Variants in MTSS1 observed in about 807,000 individuals in gnomAD.
The protein encoded by MTSS1 is protein MTSS 1.
MTSS1 carries 18 observed loss-of-function variants against 79.0 expected under a neutral mutation model. That is an observed-to-expected ratio of 0.23 (90% CI 0.16 to 0.34). MTSS1 has a LOEUF of 0.34. Among genes scored for constraint, MTSS1 ranks in the 10% least tolerant of loss-of-function variants. The pLI, the probability that MTSS1 is intolerant of heterozygous loss-of-function variation, is 1.00. For synonymous variants in MTSS1, 341 were observed against 368.6 expected, an observed-to-expected ratio of 0.93 and a Z score of 0.86; for missense variants, 815 against 986.2, an observed-to-expected ratio of 0.83 and a Z score of 2.33.
At chr8:124,643,156 T>C (rs898583889) in intron 3 of MTSS1, among the ~76,000 whole-genome samples, 6 of 152,156 alleles carry the variant, frequency 3.9e-5, no homozygotes, top group African/African-American at 9.7e-5. Context: ...AAGAAGCATT[T>C]GGCAATACAA....
chr8:124,664,871 TCA>T (rs1213753365), intron 3 of MTSS1, among the ~76,000 whole-genome samples: 1 of 152,222 alleles, frequency 6.6e-6, no homozygotes, highest in Non-Finnish European at 1.5e-5. Context: ...CTATTCTATT[TCA>T]TTGTTTCTAA....
At chr8:124,716,205 C>T (rs750304924) in intron 1 of MTSS1, among the ~76,000 whole-genome samples, 16 of 152,168 alleles carry the variant, frequency 1.1e-4, no homozygotes, top group Admixed American at 2.6e-4. Flanking sequence ...CTGGACAGTG[C>T]GGTTCCCAGA....
At chr8:124,565,080 C>T (rs892252786) in intron 9 of MTSS1, among the ~76,000 whole-genome samples, 11 of 152,208 alleles carry the variant, frequency 7.2e-5, no homozygotes, top group Non-Finnish European at 1.2e-4. Context: ...CAGAAAATTG[C>T]TAGACAACAG....
chr8:124,569,790 A>G (rs550580050), intron 6 of MTSS1, among the ~76,000 whole-genome samples: 2 of 152,348 alleles, frequency 1.3e-5, no homozygotes, highest in African/African-American at 4.8e-5. Flanking sequence ...CAATCTGCTC[A>G]TGTTTCAATG....
intron 1 of MTSS1, among the ~76,000 whole-genome samples, chr8:124,721,828 C>A (rs1832987545): frequency 2.6e-5 from 4 of 152,158 alleles, no homozygotes; most frequent in Admixed American, 2.6e-4. Context: ...AGCCCTGGCC[C>A]AGGCAGCAGC....
intron 3 of MTSS1, among the ~76,000 whole-genome samples, chr8:124,644,402 A>G (rs959902473): frequency 1.3e-5 from 2 of 152,238 alleles, no homozygotes; most frequent in African/African-American, 4.8e-5. Flanking sequence ...TTTCTAATTA[A>G]TGAGTTTCTT....
At position 124,633,179 on chromosome 8, in the gene MTSS1, T is replaced by A. The variant is rs538339896; in HGVS notation, c.209-41944A>T. Among the ~76,000 whole-genome samples, 196 of 143,294 alleles carry A rather than the reference T, an allele frequency of 1.4e-3. 1 individual carries two copies. The South Asian group carries it at 0.024, about 17-fold the overall frequency. 94.0% of individuals were successfully genotyped at this position (143,294 alleles called of 152,430 possible). On this transcript the variant is annotated intron_variant, in intron 3 of 13. Transcript: ENST00000518547. ...TTAAAATTACAAAATTAAAAAAAAA[T>A]TTTTAAAGATGGATTTTGCCACAAC...
rs1824216118 is a variant in MTSS1 at position 124,557,675 on chromosome 8, A to C, written c.1230+6T>G. ...CGGGGAGAGGAGGAGGGGGAGAGAC[A>C]CAAACCTTCCAGCTAGGGATCTGAG... On this transcript the variant is annotated splice_donor_region_variant and intron_variant, in intron 11 of 13. Coordinates refer to ENST00000518547, the MANE Select transcript of MTSS1 (RefSeq NM_014751.6). 1 of 1,567,412 alleles carries C rather than the reference A, an allele frequency of 6.4e-7. No individual in the cohort carries two copies. The highest frequency in any genetic ancestry group is 1.4e-5 in the African/African-American group (1 of 73,532).
chr8:124,716,534 C>T (rs925095984), intron 1 of MTSS1, among the ~76,000 whole-genome samples: 7 of 152,104 alleles, frequency 4.6e-5, no homozygotes, highest in African/African-American at 1.7e-4. Context: ...TGGTGGAATC[C>T]CAGCAAGACC....
chr8:124,645,383 C>T (rs148051024), intron 3 of MTSS1, among the ~76,000 whole-genome samples: 140 of 152,192 alleles, frequency 9.2e-4, no homozygotes, highest in African/African-American at 3.3e-3. Context: ...AAGACCTTGT[C>T]ACCAATTTTT....
In MTSS1 at chr8:124,727,792, G is replaced by A; in HGVS notation, c.72+92C>T. ...TGGCCGGTGGCCACACTGCAGGGAA[G>A]GGCCGGGTGCCCGGCCCGGGGTGGA... On this transcript the variant is annotated intron_variant, in intron 1 of 13. Coordinates refer to ENST00000518547, the MANE Select transcript of MTSS1 (RefSeq NM_014751.6). The surrounding 1 kb of genome is among the most constrained non-coding windows in gnomAD (Gnocchi z 4.7). 1 of 1,169,548 alleles carries A rather than the reference G, an allele frequency of 8.6e-7. No homozygotes were observed. Among genetic ancestry groups the A allele is most frequent in the Non-Finnish European group, 1.2e-6 (1 of 869,428 alleles). The allele number at this position is 1,169,548 out of a possible 1,614,324, so 72.4% of individuals were successfully genotyped here. A position where few individuals can be genotyped will look rare whatever the true frequency, so the allele number is the denominator to read the frequency against.
At chr8:124,713,423 C>T (rs879638099) in intron 1 of MTSS1, among the ~76,000 whole-genome samples, 6 of 152,122 alleles carry the variant, frequency 3.9e-5, no homozygotes, top group Non-Finnish European at 7.4e-5. Context: ...CAACTCATTC[C>T]CCAATTTTGG....
At chr8:124,704,322 C>A in intron 1 of MTSS1, 131 bp from the exon 2 acceptor site, 1 of 790,592 alleles carries the variant, frequency 1.3e-6, no homozygotes, top group Non-Finnish European at 2.2e-6. Context: ...GTCTGCAATA[C>A]GTTTCCCGGA....
At chr8:124,602,207 A>ACACACACACACACACATATAT in intron 3 of MTSS1, among the ~76,000 whole-genome samples, 3 of 142,232 alleles carry the variant, frequency 2.1e-5, no homozygotes, top group Non-Finnish European at 4.5e-5. Context: ...ATATATATAT[A>ACACACACACACACACATATAT]ATTTTTTTTT....
intron 3 of MTSS1, among the ~76,000 whole-genome samples, chr8:124,650,426 C>T (rs1034795695): frequency 6.6e-6 from 1 of 152,200 alleles, no homozygotes. Context: ...TCAGAACACA[C>T]AGGATGGACA....
At chr8:124,722,268 C>T (rs987992553) in intron 1 of MTSS1, among the ~76,000 whole-genome samples, 2 of 152,146 alleles carry the variant, frequency 1.3e-5, no homozygotes, top group African/African-American at 4.8e-5. Flanking sequence ...CTTACAAGGG[C>T]CCTTGTCCAG....
chr8:124,641,953 A>G (rs1324176937), intron 3 of MTSS1, among the ~76,000 whole-genome samples: 1 of 136,052 alleles, frequency 7.4e-6, no homozygotes, highest in African/African-American at 3.4e-5. Context: ...ACACATTAGA[A>G]TAAGTGTGAT....
chr8:124,650,478 C>T (rs1380122425), intron 3 of MTSS1, among the ~76,000 whole-genome samples: 4 of 151,766 alleles, frequency 2.6e-5, no homozygotes, highest in Non-Finnish European at 5.9e-5. Flanking sequence ...AGGGACCTGA[C>T]ACAACCAAAT....
intron 3 of MTSS1, among the ~76,000 whole-genome samples, chr8:124,651,157 A>G (rs773507843): frequency 1.3e-5 from 2 of 152,210 alleles, no homozygotes; most frequent in Non-Finnish European, 2.9e-5. Context: ...TTCTTTAAAC[A>G]TGCATTACAG....
Sources: gnomAD v4.1 joint callset for allele counts (sites outside exome capture counted in the v4.1 genomes callset) on GRCh38, gnomAD v4.1.1 for gene constraint, Gnocchi (gnomAD v3.1) non-coding constraint, MANE v1.5 for transcripts, NCBI Gene and HGNC (gene_info 2026-07-23, HGNC 2026-07-21) for gene names.